Variants in LIG1 observed in about 807,000 individuals in gnomAD.
The protein encoded by LIG1 is DNA ligase 1.
LIG1 carries 70 observed loss-of-function variants against 115.7 expected under a neutral mutation model. The observed-to-expected ratio is 0.60, with a 90% CI of 0.50 to 0.74. The LOEUF is 0.74. Among genes scored for constraint, LIG1 ranks in the 30% least tolerant of loss-of-function variants. LIG1 has a pLI of 0.00. For missense variants in LIG1, 1,115 were observed against 1,225.6 expected, an observed-to-expected ratio of 0.91 and a Z score of 1.35; for synonymous variants, 487 against 495.3, an observed-to-expected ratio of 0.98 and a Z score of 0.22.
Position 48,154,208 on chromosome 19 carries a change from A to C in LIG1, c.371-241T>G. On this transcript the variant is annotated intron_variant, in intron 5 of 27. Coordinates refer to ENST00000263274, the MANE Select transcript of LIG1 (RefSeq NM_000234.3). ...TTGCTCTCTCACGACTGCAGAATAG[A>C]AATAATCCCCACGAGTAAACAATGA... 5.8e-6 allele frequency: 3 copies of C among 518,114 alleles called. No individual in the cohort carries two copies. The South Asian group carries it at 5.8e-5, about 10-fold the overall frequency. 32.1% of individuals were successfully genotyped at this position (518,114 alleles called of 1,614,324 possible).
At chr19:48,129,313 A>T (rs1411986368) in intron 19 of LIG1, among the ~76,000 whole-genome samples, 1 of 152,192 alleles carries the variant, frequency 6.6e-6, no homozygotes, top group Non-Finnish European at 1.5e-5. Context: ...GCCCTCCCAA[A>T]GTGCTGGGAT....
At chr19:48,121,030 A>G in intron 24 of LIG1, 140 bp downstream of exon 24, 1 of 1,525,008 alleles carries the variant, frequency 6.6e-7, no homozygotes, top group Non-Finnish European at 8.8e-7. Flanking sequence ...AACCAGAAAA[A>G]GTAAATAAAA....
intron 16 of LIG1, among the ~76,000 whole-genome samples, chr19:48,134,270 C>T (rs2122582138): frequency 6.6e-6 from 1 of 152,356 alleles, no homozygotes; most frequent in East Asian, 1.9e-4. Flanking sequence ...TTAGTCTGGC[C>T]TTGCCCCTGT....
chr19:48,133,106 G>T lies in LIG1; in HGVS notation c.1610-9C>A. 1 of 1,567,990 alleles carries T rather than the reference G, an allele frequency of 6.4e-7. No homozygotes were observed. Among genetic ancestry groups the T allele is most frequent in the Non-Finnish European group, 8.8e-7 (1 of 1,138,058 alleles). On this transcript the variant is annotated splice_polypyrimidine_tract_variant and intron_variant, in intron 17 of 27. Transcript: ENST00000263274. ...TGGTTTCAGGGGAATCCCTGGGAAA[G>T]GAGGAGAGTGAGTTAGAGGAGAGGG...
Position 48,154,081 on chromosome 19 carries a change from T to C in LIG1, c.371-114A>G. ...GAAGGCTCTGGGCCCTCTCCCCTTC[T>C]CTGCCTGCACACAGTCACTGCCCCA... On this transcript the variant is annotated intron_variant, in intron 5 of 27. Transcript: ENST00000263274. 4.8e-6 allele frequency: 4 copies of C among 840,502 alleles called. No homozygotes were observed. In the South Asian group the frequency reaches 5.4e-5, roughly 11 times the overall value. 52.1% of individuals were successfully genotyped at this position (840,502 alleles called of 1,614,324 possible).
At chr19:48,170,018 T>C (rs2036720384) in intron 1 of LIG1, 2 of 322,458 alleles carry the variant, frequency 6.2e-6, no homozygotes, top group Admixed American at 4.3e-5. Flanking sequence ...TCTCTGTCTC[T>C]CGTCTACCCT....
chr19:48,144,383 A>G (rs1286028257), intron 9 of LIG1, among the ~76,000 whole-genome samples: 1 of 152,164 alleles, frequency 6.6e-6, no homozygotes, highest in Non-Finnish European at 1.5e-5. Flanking sequence ...CTTGAGAAAC[A>G]GAAAAGGGAT....
rs3730994 is a variant in LIG1, at chr19:48,131,041, C to T, written c.1821+35G>A. ...AGGCCTTTGCACCCCTGACCACAGA[C>T]CCTGGCAGAGTGCAAGTGTGTGGCA... On this transcript the variant is annotated intron_variant, in intron 19 of 27. Transcript: ENST00000263274. The T allele has an allele frequency of 0.12, 187,383 of 1,562,268 alleles. 12,229 individuals carry two copies. Among genetic ancestry groups the T allele is most frequent in the African/African-American group, 0.26 (19,136 of 74,008 alleles).
chr19:48,132,063 C>T (rs765747385), intron 18 of LIG1, among the ~76,000 whole-genome samples: 3 of 151,830 alleles, frequency 2.0e-5, no homozygotes, highest in South Asian at 2.1e-4. Flanking sequence ...CTCAGCCTCC[C>T]GAGTAGCTGG....
intron 17 of LIG1, chr19:48,133,638 C>A (rs1018262755): frequency 5.6e-6 from 2 of 358,872 alleles, no homozygotes; most frequent in Non-Finnish European, 1.1e-5. Flanking sequence ...ACTCTGTCGC[C>A]CAGCTGGAGT....
intron 3 of LIG1, 149 bp downstream of exon 3, chr19:48,162,113 C>A: frequency 1.4e-6 from 1 of 728,762 alleles, no homozygotes; most frequent in East Asian, 2.5e-5. Flanking sequence ...GCTGTGCCTG[C>A]AGCTGCTCTT....
chr19:48,165,848 C>T, intron 1 of LIG1: 1 of 557,786 alleles, frequency 1.8e-6, no homozygotes, highest in Non-Finnish European at 3.2e-6. Flanking sequence ...CCTCCTTTAC[C>T]ATAAGAAGAC....
intron 24 of LIG1, chr19:48,120,144 C>T (rs2033164355): frequency 1.0e-6 from 1 of 980,564 alleles, no homozygotes; most frequent in Non-Finnish European, 1.2e-6. Context: ...TTTAGGTTAA[C>T]GGACACTAAG....
intron 4 of LIG1, among the ~76,000 whole-genome samples, chr19:48,160,064 GC>G (rs1476693733): frequency 1.3e-5 from 2 of 152,190 alleles, no homozygotes; most frequent in East Asian, 3.9e-4. Flanking sequence ...GCTGGAAAAG[GC>G]AATTCCTGGA....
At chr19:48,168,380 G>A (rs916842678) in intron 1 of LIG1, among the ~76,000 whole-genome samples, 2 of 152,164 alleles carry the variant, frequency 1.3e-5, no homozygotes, top group African/African-American at 4.8e-5. Context: ...TTCAAAACCC[G>A]GTGTGGCTGG....
At chr19:48,133,468 A>G in intron 17 of LIG1, 1 of 323,814 alleles carries the variant, frequency 3.1e-6, no homozygotes, top group Non-Finnish European at 5.9e-6. Flanking sequence ...AGAGGGACAC[A>G]GGAACCTGGG....
At chr19:48,160,883 C>T (rs1398675555) in intron 4 of LIG1, among the ~76,000 whole-genome samples, 1 of 152,094 alleles carries the variant, frequency 6.6e-6, no homozygotes. Flanking sequence ...CAGGCATGCA[C>T]CACCACACCT....
rs2033085790 is a variant in LIG1, at chr19:48,119,163, GCTC to G, written c.2410_2412del (p.Glu804del). The G allele has an allele frequency of 6.3e-7, 1 of 1,584,010 alleles. No homozygotes were observed. On this transcript the variant is annotated inframe_deletion, in exon 25 of 28. Coordinates refer to ENST00000263274, the MANE Select transcript of LIG1 (RefSeq NM_000234.3). The stretch of plus-strand genomic sequence containing the variant: ...TTGAGGCTCTGGTGATGCTCCTCCA[GCTC>G]CTCATCACTGAAGCCAGTTCCAAGC...
At chr19:48,150,010 T>C (rs766807261) in intron 8 of LIG1, 78 bp downstream of exon 8, 5 of 1,608,466 alleles carry the variant, frequency 3.1e-6, no homozygotes, top group Middle Eastern at 1.7e-4. Flanking sequence ...CTTCGCAGCA[T>C]CTCAGGCCTC....
Sources: gnomAD v4.1 joint callset for allele counts (sites outside exome capture counted in the v4.1 genomes callset) on GRCh38, gnomAD v4.1.1 for gene constraint, MANE v1.5 for transcripts, NCBI Gene and HGNC (gene_info 2026-07-23, HGNC 2026-07-21) for gene names.